Variants in CHRM3 observed in about 807,000 individuals in gnomAD.
The protein encoded by CHRM3 is muscarinic acetylcholine receptor M3.
Under a neutral mutation model 41.8 loss-of-function variants are expected in CHRM3, and 11 were observed. The ratio of observed to expected loss-of-function variants is 0.26; its 90% CI spans 0.17 to 0.44. The LOEUF (loss-of-function observed/expected upper bound fraction) is 0.44. Among genes scored for constraint, CHRM3 ranks in the 20% least tolerant of loss-of-function variants. The pLI, the probability that CHRM3 is intolerant of heterozygous loss-of-function variation, is 1.00. For missense variants in CHRM3, 571 were observed against 745.4 expected, an observed-to-expected ratio of 0.77 and a Z score of 2.72; for synonymous variants, 297 against 301.4, an observed-to-expected ratio of 0.99 and a Z score of 0.15.
At chr1:239,428,143 C>G (rs551932266) in intron 1 of CHRM3, among the ~76,000 whole-genome samples, 9 of 152,290 alleles carry the variant, frequency 5.9e-5, no homozygotes, top group East Asian at 1.9e-4. Context: ...AGAGAAGAGA[C>G]AGGTCATTGT....
chr1:239,533,680 G>A lies in CHRM3; in HGVS notation c.-421-11961G>A, dbSNP rs1388709156. Among the ~76,000 whole-genome samples, 5 of 141,494 alleles carry A rather than the reference G, an allele frequency of 3.5e-5. No homozygotes were observed. In the East Asian group the frequency reaches 6.3e-4, roughly 18 times the overall value. The allele number at this position is 141,494 out of a possible 152,430, so 92.8% of individuals were successfully genotyped here. A position where few individuals can be genotyped will look rare whatever the true frequency, so the allele number is the denominator to read the frequency against. ...CAGGAGGCAGAGGCTTCAGTGAGCCGAGATTGGACCATTGCACTCCAGCCT... is the reference window on the plus strand; with the variant it reads ...CAGGAGGCAGAGGCTTCAGTGAGCCAAGATTGGACCATTGCACTCCAGCCT... On this transcript the variant is annotated intron_variant, in intron 2 of 6. Coordinates refer to ENST00000676153, the MANE Select transcript of CHRM3 (RefSeq NM_001375978.1).
At chr1:239,578,638 T>A (rs2148576299) in intron 3 of CHRM3, among the ~76,000 whole-genome samples, 1 of 152,338 alleles carries the variant, frequency 6.6e-6, no homozygotes, top group South Asian at 2.1e-4. Context: ...TAGATCATGA[T>A]GTGTCTGATT....
At chr1:239,857,098 G>A (rs1478828234) in intron 6 of CHRM3, among the ~76,000 whole-genome samples, 1 of 152,180 alleles carries the variant, frequency 6.6e-6, no homozygotes, top group African/African-American at 2.4e-5. Context: ...TTTAAAACTT[G>A]AATGATTGCT....
chr1:239,854,546 A>G (rs1674952274), intron 6 of CHRM3, among the ~76,000 whole-genome samples: 1 of 152,110 alleles, frequency 6.6e-6, no homozygotes, highest in Non-Finnish European at 1.5e-5. Context: ...AATCACTAGC[A>G]TTGGTATGAT....
rs1044767306 is a variant in CHRM3, at chr1:239,908,286, A to G, written c.835A>G (p.Asn279Asp). The change falls in exon 7 of 7, where the codon AAC becomes GAC. Residue 279 changes from asparagine (N) to aspartate (D), a missense_variant. Asn to Asp is a conservative substitution (Grantham distance 23, BLOSUM62 1). Coordinates refer to ENST00000676153, the MANE Select transcript of CHRM3 (RefSeq NM_001375978.1). This position sits in a 1 kb window ranked among gnomAD's most constrained non-coding sequence, Gnocchi z 7.2. ...QASGTEAETE[N>D]FVHPTGSSRS... ...CTCTGGGACAGAGGCAGAGACAGAA[A>G]ACTTTGTCCACCCCACGGGCAGTTC... The G allele has an allele frequency of 6.2e-7, 1 of 1,613,990 alleles. No homozygotes were observed. Among genetic ancestry groups the G allele is most frequent in the Non-Finnish European group, 8.5e-7 (1 of 1,180,022 alleles).
intron 4 of CHRM3, among the ~76,000 whole-genome samples, chr1:239,675,496 G>A (rs1657908366): frequency 1.3e-5 from 2 of 152,174 alleles, no homozygotes; most frequent in South Asian, 2.1e-4. Flanking sequence ...GAATGGTACT[G>A]CCATTTGGAT....
intron 5 of CHRM3, chr1:239,705,623 C>G (rs1175365633): frequency 6.6e-6 from 1 of 152,108 alleles, no homozygotes; most frequent in Non-Finnish European, 1.5e-5. Flanking sequence ...TCTAAGAACT[C>G]TAGTGATGTT....
chr1:239,815,504 T>C (rs112558553), intron 5 of CHRM3, among the ~76,000 whole-genome samples: 2 of 152,250 alleles, frequency 1.3e-5, no homozygotes, highest in Non-Finnish European at 2.9e-5. Flanking sequence ...TGAATGACAT[T>C]ATGCTTGTTT....
chr1:239,627,074 G>A lies in CHRM3; in HGVS notation c.-312-5150G>A, dbSNP rs1427346613. 9.9e-5 allele frequency among the ~76,000 whole-genome samples: 13 copies of A among 131,024 alleles called. No individual in the cohort carries two copies. The East Asian group carries it at 2.9e-3, about 29-fold the overall frequency. The allele number at this position is 131,024 out of a possible 152,430, so 86.0% of individuals were successfully genotyped here. A position where few individuals can be genotyped will look rare whatever the true frequency, so the allele number is the denominator to read the frequency against. The stretch of plus-strand genomic sequence containing the variant: ...CGTATCCTTGTTGACTTTCTGTCTC[G>A]TTGATCTGTCTAATGTTGACAGTGG... On this transcript the variant is annotated intron_variant, in intron 3 of 6. Coordinates refer to ENST00000676153, the MANE Select transcript of CHRM3 (RefSeq NM_001375978.1).
chr1:239,396,539 A>G (rs956339366), intron 1 of CHRM3, among the ~76,000 whole-genome samples: 1 of 152,158 alleles, frequency 6.6e-6, no homozygotes, highest in African/African-American at 2.4e-5. Context: ...CCTTGAGCCC[A>G]TTAGTTCAAA....
At chr1:239,724,194 C>T (rs1018209407) in intron 5 of CHRM3, among the ~76,000 whole-genome samples, 2 of 151,716 alleles carry the variant, frequency 1.3e-5, no homozygotes, top group Non-Finnish European at 2.9e-5. Context: ...CATCCTGGCC[C>T]TTATAAACCT....
At chr1:239,452,127 C>T (rs184600566) in intron 1 of CHRM3, among the ~76,000 whole-genome samples, 66 of 152,232 alleles carry the variant, frequency 4.3e-4, no homozygotes, top group African/African-American at 1.5e-3. Context: ...ATATCAACCT[C>T]ATTTAGGCCA....
intron 6 of CHRM3, among the ~76,000 whole-genome samples, chr1:239,892,525 TATTA>T (rs1020116552): frequency 1.3e-5 from 2 of 152,232 alleles, no homozygotes; most frequent in African/African-American, 4.8e-5. Flanking sequence ...CTTGCATATT[TATTA>T]ATTATTTGAT....
intron 3 of CHRM3, among the ~76,000 whole-genome samples, chr1:239,611,655 G>C (rs563778380): frequency 2.0e-5 from 3 of 151,942 alleles, no homozygotes; most frequent in African/African-American, 4.8e-5. Context: ...TCCTGACCTC[G>C]TGATCCGCCC....
rs144856653 is a variant in CHRM3 at position 239,738,370 on chromosome 1, G to A, written c.-147+60082G>A. Among the ~76,000 whole-genome samples the A allele has an allele frequency of 5.9e-3, 903 of 152,250 alleles. 8 individuals carry two copies. Among genetic ancestry groups the A allele is most frequent in the African/African-American group, 0.021 (862 of 41,540 alleles). Reference sequence around the variant, plus strand: ...AGCTCTTCAGCACCAGTGCCCTGTCGGGAGAGCCCTGGCTTGCAGTCAGTA... The same window carrying A: ...AGCTCTTCAGCACCAGTGCCCTGTCAGGAGAGCCCTGGCTTGCAGTCAGTA... On this transcript the variant is annotated intron_variant, in intron 5 of 6. Transcript: ENST00000676153.
chr1:239,648,083 A>T (rs1401089612), intron 4 of CHRM3, among the ~76,000 whole-genome samples: 1 of 152,130 alleles, frequency 6.6e-6, no homozygotes, highest in Non-Finnish European at 1.5e-5. Flanking sequence ...ATTTTTGCTT[A>T]ATTCTCAAGT....
At chr1:239,539,832 G>T (rs897992896) in intron 2 of CHRM3, among the ~76,000 whole-genome samples, 1 of 152,050 alleles carries the variant, frequency 6.6e-6, no homozygotes, top group African/African-American at 2.4e-5. Flanking sequence ...GCCCAAGCAG[G>T]TCTCAAATTC....
chr1:239,543,919 G>C (rs1659036021), intron 2 of CHRM3, among the ~76,000 whole-genome samples: 1 of 152,188 alleles, frequency 6.6e-6, no homozygotes, highest in Admixed American at 6.5e-5. Context: ...AGCAGCCAGA[G>C]ACGATATGTA....
intron 5 of CHRM3, among the ~76,000 whole-genome samples, chr1:239,692,290 A>G (rs919308237): frequency 6.6e-6 from 1 of 152,192 alleles, no homozygotes; most frequent in African/African-American, 2.4e-5. Flanking sequence ...TAAAGTTTAC[A>G]TGAACTAAGG....
Sources: allele counts gnomAD v4.1 joint callset (sites outside exome capture counted in the v4.1 genomes callset), GRCh38; gene constraint gnomAD v4.1.1; non-coding constraint Gnocchi (gnomAD v3.1); transcripts MANE v1.5; gene names NCBI Gene and HGNC (gene_info 2026-07-23, HGNC 2026-07-21).